Variants in RASSF3 observed in about 807,000 individuals in gnomAD.
The protein encoded by RASSF3 is ras association domain-containing protein 3.
RASSF3 carries 19 observed loss-of-function variants against 19.9 expected under a neutral mutation model. The ratio of observed to expected loss-of-function variants is 0.96; its 90% CI spans 0.67 to 1.40. The LOEUF (loss-of-function observed/expected upper bound fraction) is 1.40, where lower values mean the gene tolerates loss of function less well. Ranked by LOEUF, RASSF3 falls within the 40% of genes most tolerant of loss-of-function variation. RASSF3 has a pLI of 0.00. For missense variants in RASSF3, 306 were observed against 289.8 expected, an observed-to-expected ratio of 1.06 and a Z score of -0.41; for synonymous variants, 110 against 104.2, an observed-to-expected ratio of 1.06 and a Z score of -0.34.
Position 64,696,430 on chromosome 12 carries a change from T to C in RASSF3, c.*1518T>C, listed in dbSNP as rs1335964739. The C allele has an allele frequency of 6.6e-6, 1 of 152,222 alleles. No homozygotes were observed. Among genetic ancestry groups the C allele is most frequent in the Non-Finnish European group, 1.5e-5 (1 of 68,046 alleles). The allele number at this position is 152,222 out of a possible 1,614,324, so 9.4% of individuals were successfully genotyped here. A position where few individuals can be genotyped will look rare whatever the true frequency, so the allele number is the denominator to read the frequency against. On this transcript the variant is annotated 3_prime_UTR_variant, in exon 5 of 5. Transcript: ENST00000542104. ...AACCTCATTTTATGCAGCAGTTTAA[T>C]CTGAGAACAGAGGGAAAGGTGTGCA...
intron 1 of RASSF3, among the ~76,000 whole-genome samples, chr12:64,527,880 A>G (rs779023718): frequency 1.3e-4 from 20 of 152,128 alleles, no homozygotes; most frequent in Non-Finnish European, 2.2e-4. Context: ...GGTTACAATG[A>G]GCTGAGATCA....
chr12:64,544,477 C>T (rs1431559752), downstream of RASSF3, among the ~76,000 whole-genome samples: 1 of 152,186 alleles, frequency 6.6e-6, no homozygotes, highest in Non-Finnish European at 1.5e-5. Flanking sequence ...CAATTCCAGA[C>T]ACAGTGGTGC....
At chr12:64,675,057 C>CA (rs1198574758) in intron 1 of RASSF3, among the ~76,000 whole-genome samples, 1 of 128,196 alleles carries the variant, frequency 7.8e-6, no homozygotes, top group African/African-American at 3.0e-5. Flanking sequence ...CCCCCCCCCC[C>CA]CCGCCACCCC....
intron 2 of RASSF3, among the ~76,000 whole-genome samples, chr12:64,573,295 AGT>A (rs1173279929): frequency 1.3e-5 from 2 of 152,192 alleles, no homozygotes; most frequent in African/African-American, 4.8e-5. Flanking sequence ...TGGGTGACAG[AGT>A]GAGAACCTGT....
rs140571908 is a variant in RASSF3 at position 64,695,083 on chromosome 12, TC to T, written c.*174del. The T allele has an allele frequency of 2.9e-3, 1,941 of 664,428 alleles. 27 individuals carry two copies. In the African/African-American group the frequency reaches 0.032, roughly 11 times the overall value. The allele number at this position is 664,428 out of a possible 1,614,324, so 41.2% of individuals were successfully genotyped here. A position where few individuals can be genotyped will look rare whatever the true frequency, so the allele number is the denominator to read the frequency against. On this transcript the variant is annotated 3_prime_UTR_variant, in exon 5 of 5. Coordinates refer to ENST00000542104, the MANE Select transcript of RASSF3 (RefSeq NM_178169.4). ...TCACACAGCATCCTGCACCTTAGCG[TC>T]CCATGTAAGGGACTCTGCAAGCTTG... is the stretch of plus-strand genomic sequence containing the variant.
chr12:64,620,390 T>C (rs981137777), intron 1 of RASSF3, among the ~76,000 whole-genome samples: 5 of 152,216 alleles, frequency 3.3e-5, no homozygotes, highest in Non-Finnish European at 7.3e-5. Context: ...ATGTGAATAA[T>C]GATGCTGTGA....
intron 1 of RASSF3, among the ~76,000 whole-genome samples, chr12:64,672,816 C>T (rs1303425476): frequency 6.6e-6 from 1 of 152,222 alleles, no homozygotes; most frequent in East Asian, 1.9e-4. Flanking sequence ...TATGGCTAGC[C>T]TGGTCTACAG....
intron 1 of RASSF3, among the ~76,000 whole-genome samples, chr12:64,673,423 T>A (rs1045494005): frequency 6.6e-6 from 1 of 152,208 alleles, no homozygotes; most frequent in Non-Finnish European, 1.5e-5. Context: ...GGTAGTGTTG[T>A]AGATGGTATT....
At chr12:64,528,712 A>G (rs767072781), upstream of RASSF3, among the ~76,000 whole-genome samples, 1 of 152,216 alleles carries the variant, frequency 6.6e-6, no homozygotes, top group Admixed American at 6.5e-5. Flanking sequence ...CACCCCTTCC[A>G]GCCCCAGGGT....
At chr12:64,518,673 C>T (rs114316163) in intron 1 of RASSF3, among the ~76,000 whole-genome samples, 93 of 152,328 alleles carry the variant, frequency 6.1e-4, no homozygotes, top group African/African-American at 2.1e-3. Flanking sequence ...GCATTGTATA[C>T]TTGATTTCCT....
intron 2 of RASSF3, among the ~76,000 whole-genome samples, chr12:64,578,716 C>T (rs1006779675): frequency 6.6e-6 from 1 of 152,168 alleles, no homozygotes; most frequent in South Asian, 2.1e-4. Context: ...AAACTAAATC[C>T]ACCTGACCCT....
rs1386433273 is a variant in RASSF3 at position 64,696,335 on chromosome 12, A to G, written c.*1423A>G. 6.6e-6 allele frequency: 1 copy of G among 152,144 alleles called. No homozygotes were observed. Among genetic ancestry groups the G allele is most frequent in the East Asian group, 1.9e-4 (1 of 5,196 alleles). The allele number at this position is 152,144 out of a possible 1,614,324, so 9.4% of individuals were successfully genotyped here. ...GGCTTCATTATGGAAATATTTTAACAAAAGTACATGTTATTACCAACCAAA... is the reference window on the plus strand; with the variant it reads ...GGCTTCATTATGGAAATATTTTAACGAAAGTACATGTTATTACCAACCAAA... On this transcript the variant is annotated 3_prime_UTR_variant, in exon 5 of 5. Coordinates refer to ENST00000542104, the MANE Select transcript of RASSF3 (RefSeq NM_178169.4).
At chr12:64,590,736 G>T (rs1361867274) in intron 2 of RASSF3, among the ~76,000 whole-genome samples, 2 of 152,126 alleles carry the variant, frequency 1.3e-5, no homozygotes, top group African/African-American at 4.8e-5. Context: ...CTGATAGCCA[G>T]TTGGCTGATA....
chr12:64,534,668 G>C (rs1471583686), intron 1 of RASSF3, among the ~76,000 whole-genome samples: 1 of 152,146 alleles, frequency 6.6e-6, no homozygotes, highest in Non-Finnish European at 1.5e-5. Flanking sequence ...GTGTGTATGA[G>C]AGAGAAAGAG....
intron 1 of RASSF3, chr12:64,541,498 GGGGGTTCAATTTCCCTT>G (rs1282099253): frequency 2.5e-6 from 1 of 397,264 alleles, no homozygotes; most frequent in Non-Finnish European, 4.4e-6. Context: ...GAGCAGGGGA[GGGGGTTCAATTTCCCTT>G]GGCCTGTTGG....
chr12:64,510,748 A>G (rs921077008), intron 1 of RASSF3, among the ~76,000 whole-genome samples: 1 of 152,156 alleles, frequency 6.6e-6, no homozygotes, highest in Non-Finnish European at 1.5e-5. Flanking sequence ...CTTGAAGGAG[A>G]ATGGGGAGGG....
chr12:64,677,074 A>G (rs1286472197), intron 1 of RASSF3, among the ~76,000 whole-genome samples: 1 of 152,024 alleles, frequency 6.6e-6, no homozygotes, highest in East Asian at 1.9e-4. Context: ...GGCCTGGAGT[A>G]TTGCTCTAGA....
chr12:64,685,855 G>C (rs1323936824), intron 2 of RASSF3, among the ~76,000 whole-genome samples: 1 of 152,160 alleles, frequency 6.6e-6, no homozygotes, highest in Non-Finnish European at 1.5e-5. Context: ...CTACCCATTG[G>C]GTGGCCCGCC....
chr12:64,670,473 G>T (rs1872664650), intron 1 of RASSF3, among the ~76,000 whole-genome samples: 1 of 150,510 alleles, frequency 6.6e-6, no homozygotes, highest in Non-Finnish European at 1.5e-5. Context: ...GAAACAAAGT[G>T]GGGGCCCATC....
Sources: allele counts gnomAD v4.1 joint callset (sites outside exome capture counted in the v4.1 genomes callset), GRCh38; gene constraint gnomAD v4.1.1; transcripts MANE v1.5; gene names NCBI Gene and HGNC (gene_info 2026-07-23, HGNC 2026-07-21).